The following LRRFIP2 variants were observed in gnomAD, a reference collection of about 807,000 sequenced individuals.
LRRFIP2 encodes the protein leucine-rich repeat flightless-interacting protein 2.
LRRFIP2 carries 109 observed loss-of-function variants against 125.9 expected under a neutral mutation model. That is an observed-to-expected ratio of 0.87 (90% CI 0.74 to 1.01). The LOEUF is 1.01. LRRFIP2 is among the 50% of genes least tolerant of loss of function. The pLI, the probability that LRRFIP2 is intolerant of heterozygous loss-of-function variation, is 0.00. For missense variants in LRRFIP2, 850 were observed against 862.3 expected, an observed-to-expected ratio of 0.99 and a Z score of 0.18; for synonymous variants, 291 against 293.1, an observed-to-expected ratio of 0.99 and a Z score of 0.07.
chr3:37,175,634 G>T (rs1037877622), upstream of LRRFIP2, among the ~76,000 whole-genome samples: 1 of 152,164 alleles, frequency 6.6e-6, no homozygotes, highest in Admixed American at 6.5e-5. Context: ...AGGTCAAGGA[G>T]GAAGAAGTAA....
intron 25 of LRRFIP2, among the ~76,000 whole-genome samples, chr3:37,056,904 C>G (rs1347051284): frequency 6.6e-6 from 1 of 152,166 alleles, no homozygotes; most frequent in Non-Finnish European, 1.5e-5. Context: ...TGTACTTCTT[C>G]CTTCTCACTC....
At chr3:37,133,564 C>T (rs1255367520) in intron 2 of LRRFIP2, among the ~76,000 whole-genome samples, 1 of 152,128 alleles carries the variant, frequency 6.6e-6, no homozygotes, top group Non-Finnish European at 1.5e-5. Flanking sequence ...ATATTGTATA[C>T]TTCCACTTAA....
intron 4 of LRRFIP2, among the ~76,000 whole-genome samples, chr3:37,126,060 ACT>A (rs2095262370): frequency 1.3e-5 from 2 of 151,622 alleles, no homozygotes; most frequent in Admixed American, 1.3e-4. Flanking sequence ...ACACAGTCTC[ACT>A]CTGTTGCCCA....
intron 2 of LRRFIP2, among the ~76,000 whole-genome samples, chr3:37,130,024 T>C (rs1341287417): frequency 1.3e-5 from 2 of 152,120 alleles, no homozygotes; most frequent in Non-Finnish European, 2.9e-5. Flanking sequence ...TACAATTCTG[T>C]GGTTTTTAGT....
intron 23 of LRRFIP2, 176 bp from the exon 24 acceptor site, chr3:37,063,967 C>A (rs1482177114): frequency 7.1e-6 from 4 of 560,040 alleles, no homozygotes; most frequent in Non-Finnish European, 1.3e-5. Context: ...TCTTAACTAT[C>A]TAAAAAGTAT....
chr3:37,072,658 T>TACTG, intron 21 of LRRFIP2, 132 bp downstream of exon 21: 1 of 517,616 alleles, frequency 1.9e-6, no homozygotes, highest in Non-Finnish European at 3.4e-6. Context: ...CTCTGTCTCC[T>TACTG]ACTGACTCAT....
chr3:37,083,371 G>A (rs1036604187), intron 19 of LRRFIP2, among the ~76,000 whole-genome samples: 6 of 152,114 alleles, frequency 3.9e-5, no homozygotes, highest in African/African-American at 1.4e-4. Flanking sequence ...CCAATTAAGA[G>A]ATAGAAAATG....
At chr3:37,122,466 CATTAAAAA>C (rs2095097098) in intron 4 of LRRFIP2, among the ~76,000 whole-genome samples, 1 of 151,926 alleles carries the variant, frequency 6.6e-6, no homozygotes, top group Middle Eastern at 3.2e-3. Flanking sequence ...TTGAGTTCAG[CATTAAAAA>C]AAGACATTAA....
chr3:37,136,517 A>G (rs1025732648), intron 2 of LRRFIP2, among the ~76,000 whole-genome samples: 2 of 152,188 alleles, frequency 1.3e-5, no homozygotes, highest in African/African-American at 2.4e-5. Context: ...ATACTAAAAT[A>G]TATAAAATTC....
intron 19 of LRRFIP2, among the ~76,000 whole-genome samples, chr3:37,076,904 A>G (rs1176133922): frequency 6.6e-6 from 1 of 152,074 alleles, no homozygotes; most frequent in Non-Finnish European, 1.5e-5. Context: ...GAAAGAAAAC[A>G]CTAACTGCAT....
At chr3:37,064,179 G>A (rs2089544403) in intron 23 of LRRFIP2, 1 of 188,912 alleles carries the variant, frequency 5.3e-6, no homozygotes, top group South Asian at 1.1e-4. Flanking sequence ...TGTGAAAGAA[G>A]ATGGGGTAAG....
At position 37,055,677 on chromosome 3, in the gene LRRFIP2, A is replaced by C. The variant is rs376168031; in HGVS notation, c.1871-512T>G. ...AAGATGCTCTAGCATATATGTTACT[A>C]CAGTATCCCTTGCAGCAAGAGTTAG... is the stretch of plus-strand genomic sequence containing the variant. On this transcript the variant is annotated intron_variant, in intron 25 of 27. Coordinates refer to ENST00000336686, the MANE Select transcript of LRRFIP2 (RefSeq NM_006309.4). 4.6e-5 allele frequency among the ~76,000 whole-genome samples: 7 copies of C among 152,166 alleles called. No individual in the cohort carries two copies. In the South Asian group the frequency reaches 1.4e-3, roughly 32 times the overall value.
intron 1 of LRRFIP2, among the ~76,000 whole-genome samples, chr3:37,165,795 G>GAGAAAGAAAGAA (rs780657651): frequency 2.2e-4 from 4 of 17,998 alleles, no homozygotes; most frequent in East Asian, 1.3e-3. Context: ...GAGAAAGAAA[G>GAGAAAGAAAGAA]AGAAAGAAAG....
At chr3:37,123,359 T>G (rs988265159) in intron 4 of LRRFIP2, among the ~76,000 whole-genome samples, 19 of 152,212 alleles carry the variant, frequency 1.2e-4, no homozygotes, top group African/African-American at 4.1e-4. Flanking sequence ...ACCCGGCTAC[T>G]TTTTGTTTTA....
chr3:37,086,918 T>C (rs1297930251), intron 18 of LRRFIP2, among the ~76,000 whole-genome samples: 1 of 151,980 alleles, frequency 6.6e-6, no homozygotes, highest in Non-Finnish European at 1.5e-5. Flanking sequence ...TAGACCACTG[T>C]GGCACAATCT....
chr3:37,160,284 C>T (rs556367712), intron 1 of LRRFIP2, among the ~76,000 whole-genome samples: 140 of 152,210 alleles, frequency 9.2e-4, no homozygotes, highest in African/African-American at 3.3e-3. Flanking sequence ...AATATATACC[C>T]CTTTTCGAGG....
At position 37,148,931 on chromosome 3, in the gene LRRFIP2, G is replaced by A. The variant is rs1560074996; in HGVS notation, c.53C>T (p.Ser18Phe). Residue 18 changes from serine to phenylalanine, a missense_variant, in exon 2 of 28, where the codon TCT becomes TTT. Transcript: ENST00000336686. ...GTTACTCAAAGCTTCATCTTCTGCA[G>A]AAAATCGGTCTTTCACAGGTGTTCT... ...RKRTPVKDRF[S>F]AEDEALSNIA... The A allele has an allele frequency of 1.7e-5, 28 of 1,614,024 alleles. No individual in the cohort carries two copies. Among genetic ancestry groups the A allele is most frequent in the Non-Finnish European group, 2.3e-5 (27 of 1,180,016 alleles).
intron 17 of LRRFIP2, among the ~76,000 whole-genome samples, chr3:37,093,393 C>T (rs1192425618): frequency 6.6e-6 from 1 of 152,178 alleles, no homozygotes; most frequent in Non-Finnish European, 1.5e-5. Flanking sequence ...CCTCAACCTT[C>T]CTCCTCTCTC....
At chr3:37,176,024 T>G (rs1263397069), upstream of LRRFIP2, 1 of 152,096 alleles carries the variant, frequency 6.6e-6, no homozygotes, top group Non-Finnish European at 1.5e-5. Context: ...CCCCGCTCCC[T>G]GCTCCCACCG....
Sources: allele counts gnomAD v4.1 joint callset (sites outside exome capture counted in the v4.1 genomes callset), GRCh38; gene constraint gnomAD v4.1.1; transcripts MANE v1.5; gene names NCBI Gene and HGNC (gene_info 2026-07-23, HGNC 2026-07-21).